The following HBP1 variants were observed in gnomAD, a reference collection of about 807,000 sequenced individuals.
HBP1 encodes the protein HMG box-containing protein 1.
HBP1 carries 20 observed loss-of-function variants against 62.6 expected under a neutral mutation model. That is an observed-to-expected ratio of 0.32 (90% CI 0.22 to 0.46). HBP1 has a LOEUF of 0.46. HBP1 is among the 20% of genes least tolerant of loss of function. The pLI is 1.00. For missense variants in HBP1, 480 were observed against 611.8 expected (o/e 0.78, Z 2.27); for synonymous variants, 232 against 206.2 (o/e 1.12, Z -1.07).
rs75794663 is a variant in HBP1, at chr7:107,174,777, A to G, written c.-15-5102A>G. ...ATGGGAAATGTTTTCAGTTCAGATA[A>G]GGTTGACTGTGCAGCTCACATCTGT... On this transcript the variant is annotated intron_variant, in intron 1 of 10. Transcript: ENST00000222574. 7.1e-6 allele frequency: 6 copies of G among 850,684 alleles called. No homozygotes were observed. In the East Asian group the frequency reaches 7.3e-4, roughly 104 times the overall value. The allele number at this position is 850,684 out of a possible 1,614,324, so 52.7% of individuals were successfully genotyped here.
At chr7:107,174,737 A>G (rs1238031048) in intron 1 of HBP1, 1 of 980,878 alleles carries the variant, frequency 1.0e-6, no homozygotes, top group Non-Finnish European at 1.2e-6. Context: ...TCTAAATTTC[A>G]TAATAAAGGT....
At chr7:107,170,362 T>C (rs1244768360) in intron 1 of HBP1, among the ~76,000 whole-genome samples, 1 of 152,232 alleles carries the variant, frequency 6.6e-6, no homozygotes, top group Non-Finnish European at 1.5e-5. Flanking sequence ...ATTTTAACAT[T>C]GGAAATACTT....
intron 1 of HBP1, chr7:107,170,056 G>C (rs938819962): frequency 1.0e-6 from 1 of 985,248 alleles, no homozygotes; most frequent in African/African-American, 1.7e-5. Flanking sequence ...ACTCTCCGCT[G>C]TGCACTCTAC....
chr7:107,176,988 T>A (rs12705407), intron 1 of HBP1, among the ~76,000 whole-genome samples: 7,814 of 152,248 alleles, frequency 0.051, 292 homozygotes, highest in Non-Finnish European at 0.079. Flanking sequence ...TCATAATATC[T>A]CCTAGGGAGG....
intron 1 of HBP1, chr7:107,169,766 C>G: frequency 2.0e-6 from 2 of 982,600 alleles, no homozygotes; most frequent in African/African-American, 1.8e-5. Flanking sequence ...GGGGCTGAGC[C>G]GAGGGGAAAA....
At chr7:107,199,701 A>AAAAC (rs1348396300) in intron 9 of HBP1, among the ~76,000 whole-genome samples, 1 of 152,228 alleles carries the variant, frequency 6.6e-6, no homozygotes, top group Non-Finnish European at 1.5e-5. Context: ...CAAACAGGAG[A>AAAAC]AAACAGCTTC....
intron 10 of HBP1, 77 bp from the exon 11 acceptor site, chr7:107,201,337 T>C (rs1434978022): frequency 1.2e-5 from 10 of 838,008 alleles, no homozygotes; most frequent in East Asian, 1.0e-4. Context: ...AAACATCTTA[T>C]ACATCTTAGC....
intron 1 of HBP1, among the ~76,000 whole-genome samples, chr7:107,177,107 A>G (rs1223894150): frequency 6.6e-6 from 1 of 152,142 alleles, no homozygotes; most frequent in East Asian, 1.9e-4. Flanking sequence ...ATATTGCCCT[A>G]TGTCTGGGGA....
chr7:107,201,159 G>T (rs887309882), intron 10 of HBP1: 7 of 350,306 alleles, frequency 2.0e-5, no homozygotes, highest in Non-Finnish European at 3.6e-5. Flanking sequence ...GGCAGTTCTT[G>T]GTTAATTTAG....
intron 8 of HBP1, among the ~76,000 whole-genome samples, chr7:107,190,678 G>GT (rs1562896466): frequency 6.6e-6 from 1 of 152,148 alleles, no homozygotes; most frequent in Non-Finnish European, 1.5e-5. Flanking sequence ...AATCTCTTGT[G>GT]TTTTTTGTAG....
At chr7:107,200,401 A>T (rs2116027507) in intron 10 of HBP1, 100 bp downstream of exon 10, 2 of 869,540 alleles carry the variant, frequency 2.3e-6, no homozygotes, top group East Asian at 5.4e-5. Flanking sequence ...GGTTGTGTTG[A>T]TGCTGTCTCT....
chr7:107,192,305 A>G (rs1250814658), intron 8 of HBP1, among the ~76,000 whole-genome samples: 1 of 152,104 alleles, frequency 6.6e-6, no homozygotes, highest in East Asian at 1.9e-4. Context: ...TCTAGAAATT[A>G]GTCAAGGGTC....
In HBP1 at chr7:107,201,609, G is replaced by T; in HGVS notation, c.*178G>T. ...GTGAGGATTTGCTTTCTCCATTAGAGCATTAAGCTAAAACTATCAACATTT... is the reference window on the plus strand; with the variant it reads ...GTGAGGATTTGCTTTCTCCATTAGATCATTAAGCTAAAACTATCAACATTT... On this transcript the variant is annotated 3_prime_UTR_variant, in exon 11 of 11. Transcript: ENST00000222574. 1 of 452,182 alleles carries T rather than the reference G, an allele frequency of 2.2e-6. No homozygotes were observed. The highest frequency in any genetic ancestry group is 4.0e-6 in the Non-Finnish European group (1 of 247,856). The allele number at this position is 452,182 out of a possible 1,614,324, so 28.0% of individuals were successfully genotyped here.
intron 1 of HBP1, among the ~76,000 whole-genome samples, chr7:107,173,190 A>G (rs918856973): frequency 1.3e-5 from 2 of 152,238 alleles, no homozygotes; most frequent in African/African-American, 4.8e-5. Flanking sequence ...TTTAGCATGT[A>G]ATTATGTAAT....
chr7:107,177,674 G>A (rs1796919557), intron 1 of HBP1, among the ~76,000 whole-genome samples: 1 of 151,976 alleles, frequency 6.6e-6, no homozygotes, highest in Admixed American at 6.6e-5. Flanking sequence ...AAATAACATA[G>A]GAAAATGCTT....
At chr7:107,201,360 G>T in intron 10 of HBP1, 54 bp from the exon 11 acceptor site, 2 of 1,079,034 alleles carry the variant, frequency 1.9e-6, no homozygotes, top group South Asian at 1.3e-5. Flanking sequence ...TCATATATAG[G>T]ATTACTATGT....
At chr7:107,178,983 G>A (rs1261624405) in intron 1 of HBP1, among the ~76,000 whole-genome samples, 1 of 152,208 alleles carries the variant, frequency 6.6e-6, no homozygotes, top group African/African-American at 2.4e-5. Flanking sequence ...GCAGTGAGCC[G>A]AGATTGTGCC....
intron 1 of HBP1, among the ~76,000 whole-genome samples, chr7:107,172,059 C>T (rs1796626543): frequency 6.6e-6 from 1 of 151,894 alleles, no homozygotes; most frequent in Non-Finnish European, 1.5e-5. Context: ...CAGTAACATT[C>T]ACATTTTTCA....
intron 1 of HBP1, chr7:107,169,914 A>C: frequency 2.0e-6 from 2 of 985,484 alleles, no homozygotes; most frequent in Non-Finnish European, 2.4e-6. Context: ...GAGGCTTGGC[A>C]GGCGATTCCA....
Sources: allele counts gnomAD v4.1 joint callset (sites outside exome capture counted in the v4.1 genomes callset), GRCh38; gene constraint gnomAD v4.1.1; transcripts MANE v1.5; gene names NCBI Gene and HGNC (gene_info 2026-07-23, HGNC 2026-07-21).